Variants in TRIQK observed in about 807,000 individuals in gnomAD.
TRIQK encodes the protein triple QxxK/R motif-containing protein.
In TRIQK, 10 loss-of-function variants were observed where a neutral mutation model predicts 10.8. The observed-to-expected ratio is 0.92, with a 90% CI of 0.57 to 1.57. The LOEUF (loss-of-function observed/expected upper bound fraction) is 1.57. Among genes scored for constraint, TRIQK ranks in the 40% most tolerant of loss-of-function variants. The probability of loss-of-function intolerance (pLI) is 0.00; values close to 1 mark genes in which losing one functional copy is unlikely to be tolerated. For missense variants in TRIQK, 107 were observed against 97.7 expected (o/e 1.09, Z -0.40); for synonymous variants, 33 against 33.7 (o/e 0.98, Z 0.07).
chr8:92,905,894 G>C (rs921901770), intron 3 of TRIQK, among the ~76,000 whole-genome samples: 11 of 152,180 alleles, frequency 7.2e-5, no homozygotes, highest in African/African-American at 2.7e-4. Context: ...AATGGATAGA[G>C]AACTGACTAC....
Position 92,884,492 on chromosome 8 carries a change from C to G in TRIQK, c.*2130G>C, listed in dbSNP as rs1289456800. On this transcript the variant is annotated 3_prime_UTR_variant, in exon 5 of 5. Coordinates refer to ENST00000521988, the MANE Select transcript of TRIQK (RefSeq NM_001171797.2). ...CATACGAATGGACTAGCTGTAGACT[C>G]AGGATATCAATAAAACTAGGCAGTG... The G allele has an allele frequency of 1.5e-5, 4 of 268,278 alleles. No individual in the cohort carries two copies. In the Admixed American group the frequency reaches 2.0e-4, roughly 13 times the overall value. The allele number at this position is 268,278 out of a possible 1,614,324, so 16.6% of individuals were successfully genotyped here. A position where few individuals can be genotyped will look rare whatever the true frequency, so the allele number is the denominator to read the frequency against.
intron 1 of TRIQK, among the ~76,000 whole-genome samples, chr8:93,002,110 G>T (rs951009098): frequency 1.3e-5 from 2 of 151,926 alleles, no homozygotes; most frequent in Non-Finnish European, 2.9e-5. Context: ...AAACCCCACA[G>T]AATACCACAA....
At chr8:92,888,902 G>C (rs902101469) in intron 4 of TRIQK, among the ~76,000 whole-genome samples, 1 of 151,410 alleles carries the variant, frequency 6.6e-6, no homozygotes, top group Non-Finnish European at 1.5e-5. Context: ...CTAAATGCTA[G>C]AAAACCGGTA....
rs1816350842 is a variant in TRIQK at position 92,884,197 on chromosome 8, A to G, written c.*2425T>C. 6.6e-6 allele frequency: 1 copy of G among 151,832 alleles called. No homozygotes were observed. The highest frequency in any genetic ancestry group is 6.6e-5 in the Admixed American group (1 of 15,184). The allele number at this position is 151,832 out of a possible 1,614,324, so 9.4% of individuals were successfully genotyped here. A position where few individuals can be genotyped will look rare whatever the true frequency, so the allele number is the denominator to read the frequency against. On this transcript the variant is annotated 3_prime_UTR_variant, in exon 5 of 5. Transcript: ENST00000521988. ...TGCCAGTCTCAGATTTCTGCCAAAC[A>G]CCAGTAGGTATTCAAAAGTGTGGTC...
chr8:92,948,705 T>G (rs544158917), intron 2 of TRIQK, among the ~76,000 whole-genome samples: 8 of 152,348 alleles, frequency 5.3e-5, no homozygotes, highest in African/African-American at 1.7e-4. Context: ...TGTCTGCACA[T>G]AGTATATACT....
chr8:93,016,734 TGGGTGATGA>T (rs1813387366), intron 1 of TRIQK, among the ~76,000 whole-genome samples: 1 of 152,070 alleles, frequency 6.6e-6, no homozygotes. Context: ...GAGCACTGGA[TGGGTGATGA>T]GGAGAGTGGA....
Position 93,008,144 on chromosome 8 carries a change from G to A in TRIQK, c.-181+9465C>T, listed in dbSNP as rs775747909. On this transcript the variant is annotated intron_variant, in intron 1 of 4. Coordinates refer to the TRIQK transcript ENST00000520686. ...CAGGTTCTAGAGCCTGTAGGGGGTGGACAGGAGGGAGAGCATCAGGATAAA... is the reference window on the plus strand; with the variant it reads ...CAGGTTCTAGAGCCTGTAGGGGGTGAACAGGAGGGAGAGCATCAGGATAAA... 2.0e-5 allele frequency among the ~76,000 whole-genome samples: 3 copies of A among 152,234 alleles called. No homozygotes were observed. The Middle Eastern group carries it at 0.01, about 518-fold the overall frequency.
At chr8:92,970,256 G>A (rs142091144), upstream of TRIQK, among the ~76,000 whole-genome samples, 912 of 152,248 alleles carry the variant, frequency 6.0e-3, 2 homozygotes, top group Middle Eastern at 0.014. Context: ...ATGAACATGC[G>A]CATGCATGTA....
intron 3 of TRIQK, among the ~76,000 whole-genome samples, chr8:92,900,605 G>A (rs921395085): frequency 1.3e-5 from 2 of 152,028 alleles, no homozygotes; most frequent in African/African-American, 4.8e-5. Context: ...GTATGTGTCT[G>A]GTTTTATGTG....
intron 1 of TRIQK, among the ~76,000 whole-genome samples, chr8:92,978,912 C>G (rs1257675870): frequency 6.6e-6 from 1 of 152,086 alleles, no homozygotes. Context: ...AGCAATTTTA[C>G]TATTCCTGCT....
intron 1 of TRIQK, among the ~76,000 whole-genome samples, chr8:92,958,071 T>G (rs1586498331): frequency 6.6e-6 from 1 of 151,896 alleles, no homozygotes; most frequent in South Asian, 2.1e-4. Flanking sequence ...CCTCATTGCC[T>G]CCAAGATGCA....
intron 1 of TRIQK, among the ~76,000 whole-genome samples, chr8:92,996,142 G>C (rs1813151951): frequency 6.6e-6 from 1 of 151,996 alleles, no homozygotes; most frequent in Non-Finnish European, 1.5e-5. Flanking sequence ...ATATTTCAAT[G>C]ACTTTTGATT....
intron 2 of TRIQK, among the ~76,000 whole-genome samples, chr8:92,945,908 A>G (rs1310685959): frequency 6.6e-6 from 1 of 151,958 alleles, no homozygotes; most frequent in Non-Finnish European, 1.5e-5. Flanking sequence ...ATATATCTTA[A>G]CTTAAATAAT....
chr8:92,921,932 G>A (rs1378985807), intron 2 of TRIQK, among the ~76,000 whole-genome samples: 1 of 151,722 alleles, frequency 6.6e-6, no homozygotes, highest in Non-Finnish European at 1.5e-5. Context: ...CCAATACAGT[G>A]AAAGCCATCT....
rs1416025792 is a variant in TRIQK, at chr8:92,942,686, A to G, written c.-22+11720T>C. 2.0e-5 allele frequency among the ~76,000 whole-genome samples: 3 copies of G among 152,156 alleles called. No homozygotes were observed. The East Asian group carries it at 5.8e-4, about 29-fold the overall frequency. On this transcript the variant is annotated intron_variant, in intron 2 of 4. Coordinates refer to ENST00000521988, the MANE Select transcript of TRIQK (RefSeq NM_001171797.2). ...CTGCAGGATTTGAATTCAACATACA[A>G]AAGTCAGTAGTATTTCTTCTTTGTT...
At chr8:92,913,685 C>T (rs1809683731) in intron 3 of TRIQK, among the ~76,000 whole-genome samples, 1 of 152,136 alleles carries the variant, frequency 6.6e-6, no homozygotes, top group South Asian at 2.1e-4. Flanking sequence ...TTTACTGAAG[C>T]ACTATTTAAA....
intron 1 of TRIQK, among the ~76,000 whole-genome samples, chr8:92,992,562 T>C (rs1379311944): frequency 6.6e-6 from 1 of 152,092 alleles, no homozygotes; most frequent in African/African-American, 2.4e-5. Context: ...AGACTTCACA[T>C]AGAGATGACA....
intron 2 of TRIQK, among the ~76,000 whole-genome samples, chr8:92,925,309 T>G (rs558933123): frequency 3.3e-5 from 5 of 152,076 alleles, no homozygotes; most frequent in African/African-American, 1.2e-4. Flanking sequence ...CTAGGGAAAA[T>G]ATTATATTCA....
chr8:92,976,599 G>T (rs1361212630), intron 1 of TRIQK, among the ~76,000 whole-genome samples: 1 of 151,834 alleles, frequency 6.6e-6, no homozygotes, highest in Non-Finnish European at 1.5e-5. Context: ...GACTACATCT[G>T]CCTTGTAATT....
Sources: allele counts gnomAD v4.1 joint callset (sites outside exome capture counted in the v4.1 genomes callset), GRCh38; gene constraint gnomAD v4.1.1; transcripts MANE v1.5; gene names NCBI Gene and HGNC (gene_info 2026-07-23, HGNC 2026-07-21).